NAA11: variants seen among roughly 807,000 people sequenced by gnomAD.
The protein encoded by NAA11 is N-alpha-acetyltransferase 11.
NAA11 carries 15 observed loss-of-function variants against 16.1 expected under a neutral mutation model. The observed-to-expected ratio is 0.93, with a 90% CI of 0.62 to 1.44. The LOEUF (loss-of-function observed/expected upper bound fraction) is 1.44. Ranked by LOEUF, NAA11 falls within the 40% of genes most tolerant of loss-of-function variation. The probability of loss-of-function intolerance (pLI) is 0.00; values close to 1 mark genes in which losing one functional copy is unlikely to be tolerated. For missense variants in NAA11, 298 were observed against 291.3 expected (o/e 1.02, Z -0.17); for synonymous variants, 122 against 112.4 (o/e 1.09, Z -0.54).
chr4:79,202,623 T>TTATATATATATATATG, the NAA11 span, among the ~76,000 whole-genome samples: 3 of 52,622 alleles, frequency 5.7e-5, no homozygotes, highest in African/African-American at 1.4e-4. Flanking sequence ...ATATATAGTT[T>TTATATATATATATATG]TATATATATA....
intron 2 of NAA11, chr4:79,293,981 C>G (rs1006436790): frequency 2.0e-5 from 3 of 152,242 alleles, no homozygotes; most frequent in Non-Finnish European, 4.4e-5. Context: ...CCTTTGTCCC[C>G]ATTGCTCTCA....
At chr4:79,233,461 A>ATTCCCAT in intron 2 of NAA11, among the ~76,000 whole-genome samples, 1 of 152,080 alleles carries the variant, frequency 6.6e-6, no homozygotes, top group East Asian at 1.9e-4. Flanking sequence ...ACAACCACTC[A>ATTCCCAT]TTCCCATTTT....
the NAA11 span, among the ~76,000 whole-genome samples, chr4:79,212,884 A>G: frequency 3.3e-5 from 5 of 152,088 alleles, no homozygotes; most frequent in African/African-American, 1.2e-4. Context: ...TCCCCCAAGG[A>G]TAAAGAAGGA....
At chr4:79,155,788 G>A in the NAA11 span, among the ~76,000 whole-genome samples, 1 of 152,312 alleles carries the variant, frequency 6.6e-6, no homozygotes, top group African/African-American at 2.4e-5. Flanking sequence ...CTCCTGCTCT[G>A]TTATCAGGAC....
chr4:79,310,322 T>C (rs760622391), intron 1 of NAA11, among the ~76,000 whole-genome samples: 3 of 152,256 alleles, frequency 2.0e-5, no homozygotes, highest in Admixed American at 6.5e-5. Context: ...AATATTTTGG[T>C]ACCCTTAATA....
At chr4:79,183,484 G>A in the NAA11 span, among the ~76,000 whole-genome samples, 1 of 152,162 alleles carries the variant, frequency 6.6e-6, no homozygotes, top group Admixed American at 6.6e-5. Context: ...AATGTCTTGG[G>A]AATATTTTTT....
In NAA11 at chr4:79,297,272, C is replaced by T. The variant is rs116706728; in HGVS notation, c.*13-3158G>A. 8.6e-3 allele frequency among the ~76,000 whole-genome samples: 1,309 copies of T among 152,306 alleles called. 21 individuals carry two copies. Among genetic ancestry groups the T allele is most frequent in the African/African-American group, 0.03 (1,265 of 41,560 alleles). ...GTGGAGCCCACTGCCCTGGGGGCTA[C>T]TGTGATGGAGCCAGGCTGAGCCACC... On this transcript the variant is annotated intron_variant and NMD_transcript_variant, in intron 1 of 2. Coordinates refer to the NAA11 transcript ENST00000511542.
the NAA11 span, among the ~76,000 whole-genome samples, chr4:79,199,334 A>G: frequency 3.2e-4 from 49 of 152,048 alleles, no homozygotes; most frequent in African/African-American, 1.1e-3. Flanking sequence ...TTTGCAATGC[A>G]TAATTGCATC....
At chr4:79,300,067 C>T (rs993176674) in intron 1 of NAA11, among the ~76,000 whole-genome samples, 1 of 152,068 alleles carries the variant, frequency 6.6e-6, no homozygotes, top group African/African-American at 2.4e-5. Flanking sequence ...TGTACCTTCC[C>T]AAAGAGACAT....
the NAA11 span, among the ~76,000 whole-genome samples, chr4:79,209,718 A>G: frequency 6.6e-6 from 1 of 152,128 alleles, no homozygotes; most frequent in Admixed American, 6.6e-5. Context: ...CATCAGATTC[A>G]TTGTAACTGA....
At chr4:79,289,409 C>G (rs532631033) in intron 2 of NAA11, among the ~76,000 whole-genome samples, 1 of 152,330 alleles carries the variant, frequency 6.6e-6, no homozygotes, top group Admixed American at 6.5e-5. Flanking sequence ...CATTTAACAT[C>G]ATACATTTAT....
At chr4:79,225,726 T>C (rs575925740) in exon 3 of NAA11, 1 of 152,034 alleles carries the variant, frequency 6.6e-6, no homozygotes, top group African/African-American at 2.4e-5. Context: ...AAGTCTGGAG[T>C]CTTACTTTCT....
At chr4:79,272,723 T>TA (rs1247221989) in intron 2 of NAA11, among the ~76,000 whole-genome samples, 3 of 152,064 alleles carry the variant, frequency 2.0e-5, no homozygotes, top group Non-Finnish European at 4.4e-5. Flanking sequence ...AGGTGGGGGC[T>TA]ATGTTCCAGT....
intron 2 of NAA11, among the ~76,000 whole-genome samples, chr4:79,277,052 G>A (rs749810590): frequency 1.2e-4 from 18 of 152,086 alleles, no homozygotes; most frequent in Non-Finnish European, 5.9e-5. Flanking sequence ...GCAGAAAGAG[G>A]AGGAGTTTGC....
At chr4:79,291,732 A>G (rs1024991216) in intron 2 of NAA11, among the ~76,000 whole-genome samples, 1 of 152,172 alleles carries the variant, frequency 6.6e-6, no homozygotes, top group African/African-American at 2.4e-5. Flanking sequence ...AAAAAGAAAC[A>G]AACAAATAAA....
chr4:79,209,977 G>A, the NAA11 span, among the ~76,000 whole-genome samples: 1 of 152,078 alleles, frequency 6.6e-6, no homozygotes, highest in East Asian at 1.9e-4. Context: ...ACCTGGAAGG[G>A]GGACATTGCA....
the NAA11 span, among the ~76,000 whole-genome samples, chr4:79,170,600 A>G: frequency 6.6e-6 from 1 of 152,264 alleles, no homozygotes; most frequent in Admixed American, 6.5e-5. Context: ...GACTGTGTTA[A>G]TGTCTTTTTG....
chr4:79,164,133 G>A, the NAA11 span, among the ~76,000 whole-genome samples: 1 of 151,972 alleles, frequency 6.6e-6, no homozygotes, highest in African/African-American at 2.4e-5. Flanking sequence ...CCCATCCTGT[G>A]CTTTTAAGAA....
chr4:79,175,908 T>C, the NAA11 span, among the ~76,000 whole-genome samples: 1 of 152,182 alleles, frequency 6.6e-6, no homozygotes, highest in Non-Finnish European at 1.5e-5. Flanking sequence ...AGTGCTTAAG[T>C]AGGTGCTAGA....
Sources: allele counts gnomAD v4.1 joint callset (sites outside exome capture counted in the v4.1 genomes callset), GRCh38; gene constraint gnomAD v4.1.1; transcripts MANE v1.5; gene names NCBI Gene and HGNC (gene_info 2026-07-23, HGNC 2026-07-21).